RPRD2: variants seen among roughly 807,000 people sequenced by gnomAD.
RPRD2 encodes the protein regulation of nuclear pre-mRNA domain-containing protein 2.
A neutral mutation model predicts 104.4 loss-of-function variants in RPRD2; 12 were observed. The observed-to-expected ratio is 0.11, with a 90% CI of 0.07 to 0.19. The LOEUF is 0.19. RPRD2 is among the 10% of genes least tolerant of loss of function. The probability of loss-of-function intolerance (pLI) is 1.00; values close to 1 mark genes in which losing one functional copy is unlikely to be tolerated. For synonymous variants in RPRD2, 714 were observed against 684.9 expected, an observed-to-expected ratio of 1.04 and a Z score of -0.66; for missense variants, 1,543 against 1,790.1, an observed-to-expected ratio of 0.86 and a Z score of 2.49.
chr1:150,367,336 T>C (rs1003525972), intron 1 of RPRD2, among the ~76,000 whole-genome samples: 6 of 152,150 alleles, frequency 3.9e-5, no homozygotes, highest in African/African-American at 9.6e-5. Flanking sequence ...TTCTTATTTC[T>C]TTACAGTTAT....
chr1:150,434,570 CT>C (rs1390761216), intron 2 of RPRD2, among the ~76,000 whole-genome samples: 1 of 152,096 alleles, frequency 6.6e-6, no homozygotes, highest in Non-Finnish European at 1.5e-5. Flanking sequence ...AATCCCAACA[CT>C]TTGGGAGGCC....
chr1:150,453,982 C>T (rs1308151874), intron 7 of RPRD2, among the ~76,000 whole-genome samples: 2 of 152,110 alleles, frequency 1.3e-5, no homozygotes, highest in East Asian at 3.9e-4. Context: ...AGATTTTTCC[C>T]ACAGAGAGCC....
At chr1:150,447,595 A>G (rs1553895802) in intron 7 of RPRD2, among the ~76,000 whole-genome samples, 2 of 152,168 alleles carry the variant, frequency 1.3e-5, no homozygotes, top group Non-Finnish European at 2.9e-5. Flanking sequence ...CGGCCTCCCA[A>G]AGTGCTGGGA....
intron 1 of RPRD2, among the ~76,000 whole-genome samples, chr1:150,366,118 T>C (rs1659825091): frequency 6.6e-6 from 1 of 152,208 alleles, no homozygotes; most frequent in Admixed American, 6.5e-5. Context: ...GGAGGAAGTG[T>C]GGAGAAGTTA....
At chr1:150,405,573 T>G (rs1299649758) in intron 1 of RPRD2, among the ~76,000 whole-genome samples, 2 of 152,212 alleles carry the variant, frequency 1.3e-5, no homozygotes, top group Non-Finnish European at 2.9e-5. Flanking sequence ...AACTTCCTGG[T>G]TTCTCTCTCT....
At position 150,457,383 on chromosome 1, in the gene RPRD2, T is replaced by G; in HGVS notation, c.966T>G (p.Pro322=). Residue 322 remains proline, a synonymous_variant, in exon 8 of 11, where the codon CCT becomes CCG. Coordinates refer to ENST00000369068, the MANE Select transcript of RPRD2 (RefSeq NM_015203.5). ...TLPDPEESPV[P]SPSMDAPSPT... The stretch of plus-strand genomic sequence containing the variant: ...CAGATCCTGAAGAATCACCAGTTCC[T>G]TCCCCAAGCATGGACGCTCCCTCCC... 1.2e-6 allele frequency: 2 copies of G among 1,613,620 alleles called. No individual in the cohort carries two copies. The highest frequency in any genetic ancestry group is 1.7e-6 in the Non-Finnish European group (2 of 1,179,582).
chr1:150,452,929 C>G (rs1214326886), intron 7 of RPRD2, among the ~76,000 whole-genome samples: 1 of 152,052 alleles, frequency 6.6e-6, no homozygotes, highest in Non-Finnish European at 1.5e-5. Flanking sequence ...CTCTGCCTCC[C>G]AAAGTGCTGA....
chr1:150,395,365 TTGTGTGTG>T (rs10524632), intron 1 of RPRD2, among the ~76,000 whole-genome samples: 37 of 144,176 alleles, frequency 2.6e-4, no homozygotes, highest in East Asian at 6.1e-4. Flanking sequence ...TAGTATTCCA[TTGTGTGTG>T]TGTGTGTGTG....
chr1:150,441,052 A>T, intron 3 of RPRD2, 29 bp downstream of exon 3: 1 of 1,133,056 alleles, frequency 8.8e-7, no homozygotes, highest in Non-Finnish European at 1.3e-6. Context: ...CCTAAAAGAA[A>T]ATTTTTGAGT....
chr1:150,389,287 C>T (rs1159497108), intron 1 of RPRD2, among the ~76,000 whole-genome samples: 2 of 151,720 alleles, frequency 1.3e-5, no homozygotes, highest in African/African-American at 2.4e-5. Context: ...TGAGCTCAAG[C>T]GATCTGCCTG....
intron 2 of RPRD2, among the ~76,000 whole-genome samples, chr1:150,427,301 C>T (rs1665208850): frequency 6.6e-6 from 1 of 152,040 alleles, no homozygotes; most frequent in African/African-American, 2.4e-5. Context: ...GGTCAAACCC[C>T]ATCTCTACTA....
At chr1:150,456,576 T>A (rs1476131092) in intron 7 of RPRD2, among the ~76,000 whole-genome samples, 1 of 151,378 alleles carries the variant, frequency 6.6e-6, no homozygotes, top group Non-Finnish European at 1.5e-5. Context: ...AAGACTAGCC[T>A]GGATAACATA....
chr1:150,389,785 G>A (rs1444232645), intron 1 of RPRD2, among the ~76,000 whole-genome samples: 1 of 152,084 alleles, frequency 6.6e-6, no homozygotes, highest in Non-Finnish European at 1.5e-5. Context: ...AAAAAGTAAG[G>A]GAGGTTTCCA....
chr1:150,451,480 C>G (rs1489772163), intron 7 of RPRD2, among the ~76,000 whole-genome samples: 3 of 151,744 alleles, frequency 2.0e-5, no homozygotes, highest in African/African-American at 7.3e-5. Context: ...CGAGACCATC[C>G]TGGCTAACAT....
intron 10 of RPRD2, 32 bp downstream of exon 10, chr1:150,464,759 G>C: frequency 6.5e-7 from 1 of 1,531,686 alleles, no homozygotes; most frequent in Non-Finnish European, 9.0e-7. Context: ...GACTCGAATT[G>C]TGAATGTTTG....
intron 1 of RPRD2, among the ~76,000 whole-genome samples, chr1:150,402,317 C>G (rs376269930): frequency 3.3e-5 from 5 of 152,314 alleles, no homozygotes; most frequent in East Asian, 1.9e-4. Flanking sequence ...AGCAGTTCTA[C>G]TCTTGCACAT....
intron 2 of RPRD2, among the ~76,000 whole-genome samples, chr1:150,433,858 T>C (rs1665813134): frequency 7.3e-6 from 1 of 136,968 alleles, no homozygotes; most frequent in Admixed American, 7.5e-5. Flanking sequence ...ATATGTTATA[T>C]ATACATAATG....
At chr1:150,459,593 C>CT (rs138250082) in intron 8 of RPRD2, among the ~76,000 whole-genome samples, 13,045 of 137,774 alleles carry the variant, frequency 0.095, 714 homozygotes, top group African/African-American at 0.12. Context: ...AAATTGCTTG[C>CT]TTTTTTTTTT....
intron 1 of RPRD2, among the ~76,000 whole-genome samples, chr1:150,402,169 A>T (rs1402529534): frequency 6.6e-6 from 1 of 151,950 alleles, no homozygotes; most frequent in African/African-American, 2.4e-5. Context: ...CATCTTGGCC[A>T]GGCTGGTCTT....
Sources: allele counts gnomAD v4.1 joint callset (sites outside exome capture counted in the v4.1 genomes callset), GRCh38; gene constraint gnomAD v4.1.1; transcripts MANE v1.5; gene names NCBI Gene and HGNC (gene_info 2026-07-23, HGNC 2026-07-21).